Variants in KCND2 observed in about 807,000 individuals in gnomAD.
KCND2 encodes A-type voltage-gated potassium channel KCND2.
Under a neutral mutation model 54.4 loss-of-function variants are expected in KCND2, and 16 were observed. The observed-to-expected ratio is 0.29, with a 90% CI of 0.20 to 0.45. KCND2 has a LOEUF of 0.45. Ranked by LOEUF, KCND2 falls within the 20% of genes least tolerant of loss-of-function variation. The pLI is 1.00. For missense variants in KCND2, 486 were observed against 824.2 expected (o/e 0.59, Z 5.02); for synonymous variants, 317 against 310.7 (o/e 1.02, Z -0.21).
intron 1 of KCND2, among the ~76,000 whole-genome samples, chr7:120,612,748 ATTAG>A (rs1322367509): frequency 6.6e-6 from 1 of 152,192 alleles, no homozygotes; most frequent in Non-Finnish European, 1.5e-5. Context: ...AATTTTTGTT[ATTAG>A]TTCTTATAAT....
intron 1 of KCND2, among the ~76,000 whole-genome samples, chr7:120,385,332 C>T (rs558936333): frequency 2.0e-5 from 3 of 152,018 alleles, no homozygotes; most frequent in East Asian, 1.9e-4. Context: ...CCCATCATTT[C>T]GTAAAGATGA....
At chr7:120,362,703 G>A (rs920079736) in intron 1 of KCND2, among the ~76,000 whole-genome samples, 1 of 151,976 alleles carries the variant, frequency 6.6e-6, no homozygotes, top group Non-Finnish European at 1.5e-5. Context: ...TAAAATAAGA[G>A]GTTGCTGTAG....
intron 1 of KCND2, among the ~76,000 whole-genome samples, chr7:120,526,198 C>A (rs946486118): frequency 3.9e-5 from 6 of 152,168 alleles, no homozygotes; most frequent in Non-Finnish European, 7.4e-5. Context: ...ACATCACTTT[C>A]TGAATCTGAT....
chr7:120,599,715 C>T (rs945061487), intron 1 of KCND2, among the ~76,000 whole-genome samples: 1 of 151,880 alleles, frequency 6.6e-6, no homozygotes, highest in African/African-American at 2.4e-5. Flanking sequence ...AGATTTTTGA[C>T]ATTTTTCTAT....
chr7:120,299,520 A>G (rs1002088651), intron 1 of KCND2, among the ~76,000 whole-genome samples: 4 of 152,214 alleles, frequency 2.6e-5, no homozygotes, highest in African/African-American at 9.6e-5. Context: ...GCTATGAGTA[A>G]TAGAAAACCT....
intron 1 of KCND2, among the ~76,000 whole-genome samples, chr7:120,557,637 C>T (rs1184703555): frequency 6.6e-6 from 1 of 152,022 alleles, no homozygotes; most frequent in Non-Finnish European, 1.5e-5. Flanking sequence ...TGATAACATA[C>T]CCACTATTTG....
chr7:120,284,092 G>A (rs1023299733), intron 1 of KCND2, among the ~76,000 whole-genome samples: 3 of 150,620 alleles, frequency 2.0e-5, no homozygotes, highest in South Asian at 2.1e-4. Flanking sequence ...TGCAAAAAAA[G>A]GGTATGCTTT....
chr7:120,635,931 A>G (rs559938471), intron 1 of KCND2, among the ~76,000 whole-genome samples: 2 of 152,288 alleles, frequency 1.3e-5, no homozygotes, highest in African/African-American at 4.8e-5. Flanking sequence ...ATTTCAAATG[A>G]TGAATATTCA....
At chr7:120,509,233 T>A (rs1008186554) in intron 1 of KCND2, among the ~76,000 whole-genome samples, 3 of 151,868 alleles carry the variant, frequency 2.0e-5, no homozygotes, top group Admixed American at 1.3e-4. Context: ...ACAAAAAAAA[T>A]AATATTAGGT....
intron 1 of KCND2, chr7:120,673,051 C>CA (rs978076268): frequency 1.3e-4 from 20 of 151,836 alleles, no homozygotes; most frequent in African/African-American, 4.4e-4. Context: ...AGAGAGACAA[C>CA]AAGGATGTGT....
intron 1 of KCND2, among the ~76,000 whole-genome samples, chr7:120,537,784 C>G (rs1041478241): frequency 6.6e-6 from 1 of 152,300 alleles, no homozygotes; most frequent in East Asian, 1.9e-4. Context: ...GCTTCCTCAC[C>G]TCTCTCAGGC....
intron 1 of KCND2, among the ~76,000 whole-genome samples, chr7:120,647,147 T>C (rs967380822): frequency 6.6e-6 from 1 of 152,242 alleles, no homozygotes; most frequent in Non-Finnish European, 1.5e-5. Flanking sequence ...GCCTAATCTT[T>C]GTGCATAGTA....
At chr7:120,590,482 A>G (rs925854858) in intron 1 of KCND2, among the ~76,000 whole-genome samples, 1 of 152,206 alleles carries the variant, frequency 6.6e-6, no homozygotes, top group Non-Finnish European at 1.5e-5. Flanking sequence ...GAAACTATCC[A>G]TTCATTTATT....
chr7:120,352,185 C>T (rs892963309), intron 1 of KCND2, among the ~76,000 whole-genome samples: 3 of 152,004 alleles, frequency 2.0e-5, no homozygotes, highest in Non-Finnish European at 2.9e-5. Flanking sequence ...ATCAACCCAC[C>T]TCAGCCTCCC....
chr7:120,484,553 A>C (rs1357094517), intron 1 of KCND2, among the ~76,000 whole-genome samples: 1 of 151,340 alleles, frequency 6.6e-6, no homozygotes, highest in Non-Finnish European at 1.5e-5. Context: ...ATGGCCCCTC[A>C]TTTTACTACA....
intron 1 of KCND2, among the ~76,000 whole-genome samples, chr7:120,626,022 AC>A (rs1793159680): frequency 6.6e-6 from 1 of 152,054 alleles, no homozygotes. Context: ...CCAAACAAGA[AC>A]CCATTTTCAA....
intron 1 of KCND2, among the ~76,000 whole-genome samples, chr7:120,645,824 G>A (rs538086509): frequency 6.6e-6 from 1 of 152,300 alleles, no homozygotes; most frequent in African/African-American, 2.4e-5. Context: ...GTGACAAATG[G>A]CATCCTAATA....
intron 1 of KCND2, among the ~76,000 whole-genome samples, chr7:120,668,285 T>C (rs538507511): frequency 6.6e-6 from 1 of 152,046 alleles, no homozygotes; most frequent in Admixed American, 6.6e-5. Flanking sequence ...GCAGTAATTC[T>C]TCTGTGTCAA....
intron 1 of KCND2, among the ~76,000 whole-genome samples, chr7:120,710,543 T>G (rs566677776): frequency 6.6e-6 from 1 of 152,138 alleles, no homozygotes; most frequent in Non-Finnish European, 1.5e-5. Flanking sequence ...TGAGTCTGGG[T>G]TCATTTTCCA....
Sources: gnomAD v4.1 joint callset for allele counts (sites outside exome capture counted in the v4.1 genomes callset) on GRCh38, gnomAD v4.1.1 for gene constraint, MANE v1.5 for transcripts, NCBI Gene and HGNC (gene_info 2026-07-23, HGNC 2026-07-21) for gene names.